Variants in ADAMTSL1 observed in about 807,000 individuals in gnomAD.
ADAMTSL1 encodes the protein ADAMTS-like protein 1.
In ADAMTSL1, 126 loss-of-function variants were observed where a neutral mutation model predicts 201.8. That is an observed-to-expected ratio of 0.62 (90% CI 0.54 to 0.72). The LOEUF (loss-of-function observed/expected upper bound fraction) is 0.72. ADAMTSL1 is among the 30% of genes least tolerant of loss of function. ADAMTSL1 has a pLI of 0.00. For missense variants in ADAMTSL1, 2,679 were observed against 2,277.8 expected, an observed-to-expected ratio of 1.18 and a Z score of -3.59; for synonymous variants, 1,121 against 903.4, an observed-to-expected ratio of 1.24 and a Z score of -4.32.
intron 2 of ADAMTSL1, among the ~76,000 whole-genome samples, chr9:18,253,195 C>T (rs1249702937): frequency 1.3e-5 from 2 of 152,058 alleles, no homozygotes; most frequent in Non-Finnish European, 2.9e-5. Context: ...GAAACCTTAC[C>T]TATGTCTATA....
intron 2 of ADAMTSL1, among the ~76,000 whole-genome samples, chr9:18,344,039 T>C (rs1176802047): frequency 6.6e-6 from 1 of 152,136 alleles, no homozygotes; most frequent in Non-Finnish European, 1.5e-5. Context: ...TCCCCAGAAT[T>C]ACTTCATCTT....
chr9:18,560,099 G>T (rs1587562956), intron 3 of ADAMTSL1, among the ~76,000 whole-genome samples: 1 of 152,180 alleles, frequency 6.6e-6, no homozygotes, highest in Admixed American at 6.5e-5. Context: ...TTTTCAAAGG[G>T]AATGCTTCCA....
At chr9:18,873,447 C>T (rs1273588386) in intron 23 of ADAMTSL1, among the ~76,000 whole-genome samples, 1 of 152,124 alleles carries the variant, frequency 6.6e-6, no homozygotes, top group Non-Finnish European at 1.5e-5. Flanking sequence ...AGATTTAAGT[C>T]CTTGATCCAT....
chr9:18,775,582 G>T (rs537930706), intron 17 of ADAMTSL1, among the ~76,000 whole-genome samples, 161 bp from the exon 18 acceptor site: 1 of 152,270 alleles, frequency 6.6e-6, no homozygotes, highest in South Asian at 2.1e-4. Context: ...TACAAGATGG[G>T]CAGGTCTTCC....
chr9:17,998,446 C>T (rs77861988), intron 1 of ADAMTSL1, among the ~76,000 whole-genome samples: 3 of 151,694 alleles, frequency 2.0e-5, no homozygotes, highest in South Asian at 4.2e-4. Flanking sequence ...GGCTGCTGGT[C>T]GATGATACCA....
At chr9:18,099,355 A>ATATATATATATATATATATTT (rs1239180390) in intron 1 of ADAMTSL1, among the ~76,000 whole-genome samples, 3 of 45,544 alleles carry the variant, frequency 6.6e-5, no homozygotes, top group African/African-American at 1.6e-4. Context: ...ATATATATAT[A>ATATATATATATATATATATTT]TTTTTTTTTT....
At chr9:18,176,944 C>G (rs920917667) in intron 2 of ADAMTSL1, among the ~76,000 whole-genome samples, 6 of 152,184 alleles carry the variant, frequency 3.9e-5, no homozygotes, top group Admixed American at 6.5e-5. Context: ...ACATATGAAG[C>G]AGGTTCAAAG....
intron 1 of ADAMTSL1, among the ~76,000 whole-genome samples, chr9:18,150,212 T>C (rs1168340135): frequency 2.0e-5 from 3 of 152,040 alleles, no homozygotes; most frequent in Non-Finnish European, 4.4e-5. Context: ...ATTGGTAGAA[T>C]AAGATAGTAG....
chr9:17,974,956 T>C (rs768856450), intron 1 of ADAMTSL1, among the ~76,000 whole-genome samples: 3 of 152,060 alleles, frequency 2.0e-5, no homozygotes, highest in Non-Finnish European at 4.4e-5. Context: ...TTTTTCTTAA[T>C]GGTTGCACTA....
chr9:18,392,328 A>C (rs1323196421), intron 2 of ADAMTSL1, among the ~76,000 whole-genome samples: 2 of 152,212 alleles, frequency 1.3e-5, no homozygotes, highest in Non-Finnish European at 2.9e-5. Flanking sequence ...AGAGGCACTC[A>C]CTAGCCTAGC....
intron 23 of ADAMTSL1, among the ~76,000 whole-genome samples, chr9:18,874,680 G>A (rs2131476367): frequency 1.3e-5 from 2 of 152,282 alleles, no homozygotes; most frequent in Middle Eastern, 3.4e-3. Flanking sequence ...TGGTTAGCTA[G>A]TATTTTGTTG....
At chr9:18,171,879 G>C (rs1827909128) in intron 2 of ADAMTSL1, among the ~76,000 whole-genome samples, 1 of 152,030 alleles carries the variant, frequency 6.6e-6, no homozygotes, top group Non-Finnish European at 1.5e-5. Context: ...AAGGGATCCA[G>C]TTTCAGCTTT....
chr9:18,235,117 C>A (rs1830793623), intron 2 of ADAMTSL1, among the ~76,000 whole-genome samples: 1 of 152,170 alleles, frequency 6.6e-6, no homozygotes, highest in South Asian at 2.1e-4. Context: ...TCTGGAATCA[C>A]ATCCTGGATC....
intron 2 of ADAMTSL1, among the ~76,000 whole-genome samples, chr9:18,345,873 C>A (rs143868044): frequency 1.9e-3 from 296 of 152,178 alleles, no homozygotes; most frequent in African/African-American, 6.3e-3. Context: ...ACAGGTGATA[C>A]CCCAAATCAA....
chr9:18,130,416 C>T (rs763321439), intron 1 of ADAMTSL1, among the ~76,000 whole-genome samples: 2 of 152,108 alleles, frequency 1.3e-5, no homozygotes, highest in Non-Finnish European at 2.9e-5. Flanking sequence ...TTCCTTAATC[C>T]TTTTAACTGG....
chr9:18,837,162 C>T (rs2131296293), intron 23 of ADAMTSL1, among the ~76,000 whole-genome samples: 1 of 152,300 alleles, frequency 6.6e-6, no homozygotes, highest in Admixed American at 6.5e-5. Flanking sequence ...ATTCTTTTAG[C>T]ATTGTATTTA....
chr9:18,794,886 C>A (rs1014688791), intron 19 of ADAMTSL1, among the ~76,000 whole-genome samples: 1 of 152,206 alleles, frequency 6.6e-6, no homozygotes, highest in Non-Finnish European at 1.5e-5. Context: ...AGGTGATTTG[C>A]CCGCCTCAGC....
At chr9:18,650,491 G>T (rs751750522) in intron 7 of ADAMTSL1, among the ~76,000 whole-genome samples, 1 of 152,108 alleles carries the variant, frequency 6.6e-6, no homozygotes, top group Non-Finnish European at 1.5e-5. Flanking sequence ...CGTAGCTCAC[G>T]GTGGGAGTTG....
At chr9:18,278,891 C>G (rs930041750) in intron 2 of ADAMTSL1, among the ~76,000 whole-genome samples, 38 of 152,122 alleles carry the variant, frequency 2.5e-4, no homozygotes, top group African/African-American at 8.9e-4. Context: ...TGGGTAATTT[C>G]AAATGACCTG....
Sources: allele counts gnomAD v4.1 joint callset (sites outside exome capture counted in the v4.1 genomes callset), GRCh38; gene constraint gnomAD v4.1.1; transcripts MANE v1.5; gene names NCBI Gene and HGNC (gene_info 2026-07-23, HGNC 2026-07-21).